The following CRHR1 variants were observed in gnomAD, a reference collection of about 807,000 sequenced individuals.
The protein encoded by CRHR1 is corticotropin-releasing hormone receptor 1.
Under a neutral mutation model 56.0 loss-of-function variants are expected in CRHR1, and 28 were observed. That is an observed-to-expected ratio of 0.50 (90% CI 0.37 to 0.69). The LOEUF is 0.69. Among genes scored for constraint, CRHR1 ranks in the 30% least tolerant of loss-of-function variants. The pLI is 0.00. For missense variants in CRHR1, 376 were observed against 548.0 expected (o/e 0.69, Z 3.13); for synonymous variants, 195 against 216.5 (o/e 0.90, Z 0.87).
At chr17:45,786,583 C>A (rs1424300692) in intron 1 of CRHR1, among the ~76,000 whole-genome samples, 1 of 151,874 alleles carries the variant, frequency 6.6e-6, no homozygotes, top group African/African-American at 2.4e-5. Context: ...AGAATTCAAA[C>A]CCAGACACTC....
Position 45,833,665 on chromosome 17 carries a change from G to A in CRHR1, c.930-49G>A, listed in dbSNP as rs373223539. ...TCTTTGCCGAGCCAGCGGGCAGCCCGTCCTGGGGTGGGCTGTGACTCCGAG... is the reference window on the plus strand; with the variant it reads ...TCTTTGCCGAGCCAGCGGGCAGCCCATCCTGGGGTGGGCTGTGACTCCGAG... On this transcript the variant is annotated intron_variant, in intron 10 of 12. Coordinates refer to ENST00000314537, the MANE Select transcript of CRHR1 (RefSeq NM_004382.5). The A allele has an allele frequency of 2.9e-4, 466 of 1,607,462 alleles. 1 individual carries two copies. In the African/African-American group the frequency reaches 5.3e-3, roughly 18 times the overall value.
At chr17:45,806,972 C>T (rs375401431) in intron 1 of CRHR1, 38 bp from the exon 2 acceptor site, 1 of 1,585,100 alleles carries the variant, frequency 6.3e-7, no homozygotes, top group African/African-American at 1.3e-5. Flanking sequence ...TGGCTCATGG[C>T]ACCTGCCTAA....
At chr17:45,813,088 C>T (rs1433443317) in intron 2 of CRHR1, among the ~76,000 whole-genome samples, 1 of 152,220 alleles carries the variant, frequency 6.6e-6, no homozygotes, top group Non-Finnish European at 1.5e-5. Flanking sequence ...CACAGAGACA[C>T]TAAGGCCCAG....
intron 4 of CRHR1, chr17:45,825,540 G>T (rs912041350): frequency 1.9e-5 from 3 of 154,760 alleles, no homozygotes; most frequent in Middle Eastern, 1.0e-3. Context: ...GACATGAAAC[G>T]GATTCTGGGG....
intron 1 of CRHR1, among the ~76,000 whole-genome samples, chr17:45,803,779 T>TGTGTGTGTGTGC: frequency 6.6e-6 from 1 of 151,962 alleles, no homozygotes; most frequent in South Asian, 2.1e-4. Context: ...TGTGTGTGCG[T>TGTGTGTGTGTGC]GCGCGTGCGC....
At chr17:45,798,528 G>GAA (rs77104565) in intron 1 of CRHR1, among the ~76,000 whole-genome samples, 2 of 113,616 alleles carry the variant, frequency 1.8e-5, no homozygotes, top group African/African-American at 6.8e-5. Context: ...TCCGTCTCGG[G>GAA]AAAAAAAAAA....
intron 4 of CRHR1, among the ~76,000 whole-genome samples, chr17:45,828,880 A>G (rs928882598): frequency 1.3e-5 from 2 of 152,148 alleles, no homozygotes; most frequent in African/African-American, 4.8e-5. Context: ...CAGCATGGGT[A>G]GATGCGAGTG....
At chr17:45,785,076 G>T (rs1019688961) in intron 1 of CRHR1, among the ~76,000 whole-genome samples, 1 of 152,030 alleles carries the variant, frequency 6.6e-6, no homozygotes, top group African/African-American at 2.4e-5. Flanking sequence ...CCGGAGAGAT[G>T]AATGCCGCCC....
intron 12 of CRHR1, 38 bp downstream of exon 12, chr17:45,834,086 G>A (rs1355846476): frequency 6.2e-7 from 1 of 1,606,990 alleles, no homozygotes; most frequent in Non-Finnish European, 8.5e-7. Context: ...GTTCAGGGCT[G>A]TGAGGCCTGT....
intron 5 of CRHR1, chr17:45,829,721 C>T (rs2062251038): frequency 1.4e-6 from 2 of 1,422,056 alleles, no homozygotes; most frequent in South Asian, 1.2e-5. Context: ...GGATCAGGAG[C>T]CGAGCATCAG....
chr17:45,829,289 C>T lies in CRHR1; in HGVS notation c.402C>T (p.Leu134=). 6.2e-7 allele frequency: 1 copy of T among 1,614,078 alleles called. No homozygotes were observed. The part of the protein sequence containing the change: ...YLGHCISLVA[L]LVAFVLFLRL... ...GCCACTGTATCTCCCTGGTGGCCCT[C>T]CTGGTGGCCTTTGTCCTCTTTCTGC... Residue 134 remains leucine, a synonymous_variant, in exon 5 of 13, where the codon CTC becomes CTT. Coordinates refer to ENST00000314537, the MANE Select transcript of CRHR1 (RefSeq NM_004382.5).
chr17:45,796,379 T>G (rs957443712), intron 1 of CRHR1, among the ~76,000 whole-genome samples: 80 of 152,286 alleles, frequency 5.3e-4, no homozygotes, highest in African/African-American at 1.7e-3. Context: ...CCTACTGTTG[T>G]CCGCCCCCTC....
At chr17:45,796,989 CAAG>C (rs2061529369) in intron 1 of CRHR1, among the ~76,000 whole-genome samples, 1 of 152,234 alleles carries the variant, frequency 6.6e-6, no homozygotes, top group African/African-American at 2.4e-5. Context: ...GAAGGGAAGA[CAAG>C]GAGGATGGGA....
intron 2 of CRHR1, among the ~76,000 whole-genome samples, chr17:45,814,708 G>T (rs897782176): frequency 6.6e-6 from 1 of 152,060 alleles, no homozygotes; most frequent in African/African-American, 2.4e-5. Flanking sequence ...AGCCTGGTAC[G>T]CCGTTGCCTC....
chr17:45,834,058 C>CG lies in CRHR1; in HGVS notation c.1107+15dup. Reference sequence around the variant, plus strand: ...TTTCCTCAATAGTGAGGTGAGGACCCGGGGGCCCTGCAGCGGGGTTCAGGG... The same window carrying CG: ...TTTCCTCAATAGTGAGGTGAGGACCCGGGGGGCCCTGCAGCGGGGTTCAGGG... On this transcript the variant is annotated intron_variant, in intron 12 of 12. Transcript: ENST00000314537. 6.2e-7 allele frequency: 1 copy of CG among 1,613,356 alleles called. No individual in the cohort carries two copies. Among genetic ancestry groups the CG allele is most frequent in the Non-Finnish European group, 8.5e-7 (1 of 1,179,468 alleles).
At chr17:45,797,900 T>C (rs1225473817) in intron 1 of CRHR1, among the ~76,000 whole-genome samples, 1 of 152,170 alleles carries the variant, frequency 6.6e-6, no homozygotes, top group African/African-American at 2.4e-5. Flanking sequence ...GTGACTTCTC[T>C]ACCATCACGG....
At position 45,784,662 on chromosome 17, in the gene CRHR1, G is replaced by C; in HGVS notation, c.33+85G>C. 7.4e-7 allele frequency: 1 copy of C among 1,351,220 alleles called. No individual in the cohort carries two copies. The highest frequency in any genetic ancestry group is 9.8e-7 in the Non-Finnish European group (1 of 1,019,566). 83.7% of individuals were successfully genotyped at this position (1,351,220 alleles called of 1,614,324 possible). The stretch of plus-strand genomic sequence containing the variant: ...ACGGGGCTGGGCTGTGGGTGTGATG[G>C]GGGCGGGGGCGCTGGGAGAGCCGTG... On this transcript the variant is annotated intron_variant, in intron 1 of 12. Coordinates refer to ENST00000314537, the MANE Select transcript of CRHR1 (RefSeq NM_004382.5). The surrounding 1 kb of genome is among the most constrained non-coding windows in gnomAD (Gnocchi z 4.2).
intron 1 of CRHR1, among the ~76,000 whole-genome samples, chr17:45,797,543 G>T (rs1051240832): frequency 6.6e-6 from 1 of 152,028 alleles, no homozygotes; most frequent in Admixed American, 6.6e-5. Flanking sequence ...CTCCCAAAGT[G>T]CTGGGATTAC....
chr17:45,788,281 G>T (rs762032437), intron 1 of CRHR1, among the ~76,000 whole-genome samples: 6 of 152,200 alleles, frequency 3.9e-5, no homozygotes, highest in Non-Finnish European at 8.8e-5. Flanking sequence ...TCAGCTGTGT[G>T]ATGACAGGTA....
Sources: gnomAD v4.1 joint callset for allele counts (sites outside exome capture counted in the v4.1 genomes callset) on GRCh38, gnomAD v4.1.1 for gene constraint, Gnocchi (gnomAD v3.1) non-coding constraint, MANE v1.5 for transcripts, NCBI Gene and HGNC (gene_info 2026-07-23, HGNC 2026-07-21) for gene names.